HMCN2: variants seen among roughly 807,000 people sequenced by gnomAD.
HMCN2 encodes the protein hemicentin 2.
Under a neutral mutation model 377.5 loss-of-function variants are expected in HMCN2, and 325 were observed. The ratio of observed to expected loss-of-function variants is 0.86; its 90% CI spans 0.79 to 0.94. HMCN2 has a LOEUF of 0.94. HMCN2 is among the 40% of genes least tolerant of loss of function. HMCN2 has a pLI of 0.00. For missense variants in HMCN2, 4,543 were observed against 4,725.3 expected, an observed-to-expected ratio of 0.96 and a Z score of 1.13; for synonymous variants, 2,007 against 2,046.8, an observed-to-expected ratio of 0.98 and a Z score of 0.53.
chr9:130,331,593 AACAAG>A (rs1392583858), intron 22 of HMCN2, among the ~76,000 whole-genome samples: 8 of 151,938 alleles, frequency 5.3e-5, no homozygotes, highest in Non-Finnish European at 1.0e-4. Flanking sequence ...GGTGACCTCA[AACAAG>A]ACCCTTCCCC....
At chr9:130,300,630 A>C (rs1449610081) in intron 8 of HMCN2, among the ~76,000 whole-genome samples, 1 of 152,258 alleles carries the variant, frequency 6.6e-6, no homozygotes, top group East Asian at 1.9e-4. Flanking sequence ...CAGAGGCTGC[A>C]CTCAGAATGT....
intron 56 of HMCN2, among the ~76,000 whole-genome samples, 200 bp from the exon 57 acceptor site, chr9:130,383,303 GA>G (rs1564838527): frequency 6.6e-6 from 1 of 151,994 alleles, no homozygotes; most frequent in African/African-American, 2.4e-5. Flanking sequence ...TTGCTACAGA[GA>G]ACCACCCAAC....
chr9:130,430,540 C>T lies in HMCN2; in HGVS notation c.14583C>T (p.Ala4861=), dbSNP rs749192080. 2.6e-6 allele frequency: 4 copies of T among 1,550,600 alleles called. No individual in the cohort carries two copies. In the South Asian group the frequency reaches 3.6e-5, roughly 14 times the overall value. The change falls in exon 95 of 98, where the codon GCC becomes GCT. Residue 4861 remains alanine, a synonymous_variant. Transcript: ENST00000683500. ...AWVSLRPGPM[A]LSSVGRAWCP... is the part of the protein sequence containing the mutation. ...TCTCTCTCCGTCCGGGTCCCATGGCCCTGAGCAGTGTGGGCCGGGCCTGGT... is the reference window on the plus strand; with the variant it reads ...TCTCTCTCCGTCCGGGTCCCATGGCTCTGAGCAGTGTGGGCCGGGCCTGGT...
intron 25 of HMCN2, among the ~76,000 whole-genome samples, chr9:130,346,173 G>T (rs1187410973): frequency 6.6e-5 from 10 of 152,224 alleles, no homozygotes; most frequent in Admixed American, 3.3e-4. Context: ...GAGGTCAGGG[G>T]GCAGGTGAGA....
At chr9:130,357,798 C>T (rs1303158596) in intron 34 of HMCN2, 36 bp from the exon 35 acceptor site, 2 of 1,283,586 alleles carry the variant, frequency 1.6e-6, no homozygotes, top group African/African-American at 1.5e-5. Context: ...CCTCCTGATT[C>T]TGACTCGGGC....
In HMCN2 at chr9:130,431,411, C is replaced by G. The variant is rs189955406; in HGVS notation, c.14692C>G (p.Arg4898Gly). ...GAGGAACCTGTGTCAGCACGCCTGC[C>G]GCAACACTGAGGGCAGCTACCAGTG... ...RVRNLCQHAC[R>G]NTEGSYQCLC... The change falls in exon 96 of 98, where the codon CGC becomes GGC. Residue 4898 changes from arginine to glycine, a missense_variant. Physicochemically the swap from Arg to Gly is moderately radical, Grantham distance 125. Coordinates refer to ENST00000683500, the MANE Select transcript of HMCN2 (RefSeq NM_001291815.2). 1 of 1,550,244 alleles carries G rather than the reference C, an allele frequency of 6.5e-7. No individual in the cohort carries two copies. Among genetic ancestry groups the G allele is most frequent in the South Asian group, 1.2e-5 (1 of 84,056 alleles).
At chr9:130,398,339 C>G (rs1842709400) in intron 74 of HMCN2, among the ~76,000 whole-genome samples, 1 of 152,072 alleles carries the variant, frequency 6.6e-6, no homozygotes, top group Admixed American at 6.6e-5. Flanking sequence ...CAAGGAAAGG[C>G]ACTGAGGGGG....
intron 87 of HMCN2, among the ~76,000 whole-genome samples, chr9:130,424,261 C>T (rs1844196019): frequency 6.6e-6 from 1 of 151,062 alleles, no homozygotes; most frequent in South Asian, 2.1e-4. Flanking sequence ...TCACTGCAAG[C>T]TCTGCCTTCC....
At chr9:130,334,452 A>G (rs1456811642) in intron 22 of HMCN2, among the ~76,000 whole-genome samples, 1 of 151,712 alleles carries the variant, frequency 6.6e-6, no homozygotes, top group East Asian at 1.9e-4. Context: ...TTGGTGATGT[A>G]GCAAGCAGAA....
intron 43 of HMCN2, among the ~76,000 whole-genome samples, chr9:130,367,654 G>A (rs1840766914): frequency 6.6e-6 from 1 of 151,916 alleles, no homozygotes; most frequent in African/African-American, 2.4e-5. Flanking sequence ...AAGGATCCCA[G>A]GGGGAGGCTG....
chr9:130,427,456 G>A (rs1231287352), intron 91 of HMCN2, 41 bp from the exon 92 acceptor site: 2 of 1,550,426 alleles, frequency 1.3e-6, no homozygotes, highest in Admixed American at 2.0e-5. Flanking sequence ...GCTGGCAGGA[G>A]GGCCTGGGAG....
Position 130,375,945 on chromosome 9 carries a change from A to T in HMCN2, c.7874A>T (p.Asn2625Ile). Residue 2625 changes from asparagine to isoleucine, a missense_variant, in exon 51 of 98, where the codon AAT becomes ATT. This residue lies in a region of HMCN2 where 736 missense variants were observed against 773.2 expected (regional missense o/e 0.95). Transcript: ENST00000683500. ...GGCCAGTACACCTGCGTGGTCACCA[A>T]TGAGCTCGGGGAGGCCGTGAAAAAC... Reference protein sequence around the residue: ...DAGQYTCVVTNELGEAVKNYH... With the variant: ...DAGQYTCVVTIELGEAVKNYH... 1 of 985,894 alleles carries T rather than the reference A, an allele frequency of 1.0e-6. No homozygotes were observed. Among genetic ancestry groups the T allele is most frequent in the Non-Finnish European group, 1.2e-6 (1 of 829,976 alleles). 61.1% of individuals were successfully genotyped at this position (985,894 alleles called of 1,614,324 possible). A position where few individuals can be genotyped will look rare whatever the true frequency, so the allele number is the denominator to read the frequency against.
intron 86 of HMCN2, among the ~76,000 whole-genome samples, chr9:130,420,671 G>A (rs931473468): frequency 6.6e-6 from 1 of 151,976 alleles, no homozygotes; most frequent in East Asian, 1.9e-4. Context: ...GTGGCTTGTC[G>A]AAACATCACC....
In HMCN2 at chr9:130,385,826, C is replaced by T. The variant is rs914980; in HGVS notation, c.9309+64C>T. On this transcript the variant is annotated intron_variant, in intron 60 of 97. Transcript: ENST00000683500. ...CAGGAAAGTCGCCTCCCAGCCCTGG[C>T]GAGCTGCGGGGAGGAAGGTGGGCAG... 125 of 1,164,354 alleles carry T rather than the reference C, an allele frequency of 1.1e-4. No individual in the cohort carries two copies. In the African/African-American group the frequency reaches 1.2e-3, roughly 11 times the overall value. The allele number at this position is 1,164,354 out of a possible 1,614,324, so 72.1% of individuals were successfully genotyped here. A position where few individuals can be genotyped will look rare whatever the true frequency, so the allele number is the denominator to read the frequency against.
chr9:130,390,041 G>A (rs763607533), intron 62 of HMCN2, among the ~76,000 whole-genome samples: 5 of 152,204 alleles, frequency 3.3e-5, no homozygotes, highest in East Asian at 1.9e-4. Flanking sequence ...GTGAACCTCC[G>A]TGTTCGTGTT....
At chr9:130,302,814 G>C in intron 8 of HMCN2, 43 bp from the exon 9 acceptor site, 1 of 413,418 alleles carries the variant, frequency 2.4e-6, no homozygotes, top group Non-Finnish European at 5.1e-6. Context: ...GTGTGGCAAA[G>C]GGGCGGTGGG....
intron 15 of HMCN2, among the ~76,000 whole-genome samples, chr9:130,317,092 G>A (rs1190364575): frequency 1.3e-5 from 2 of 151,902 alleles, no homozygotes; most frequent in African/African-American, 4.8e-5. Flanking sequence ...GATGGAGGGG[G>A]TGAGTGCAGC....
Position 130,433,520 on chromosome 9 carries a change from C to T in HMCN2, c.15067C>T (p.Pro5023Ser), listed in dbSNP as rs990791245. Reference sequence around the variant, plus strand: ...CCGCACCGAGCTCAGCATGCTGGAGCCCGACCCCCGCAGCCCCTTCGCGCT... The same window carrying T: ...CCGCACCGAGCTCAGCATGCTGGAGTCCGACCCCCGCAGCCCCTTCGCGCT... ...ANRTELSMLE[P>S]DPRSPFALRP... Residue 5023 changes from proline to serine, a missense_variant, in exon 98 of 98, where the codon CCC becomes TCC. This residue lies in a region of HMCN2 where 1,155 missense variants were observed against 1,157.7 expected (regional missense o/e 1.00). Coordinates refer to ENST00000683500, the MANE Select transcript of HMCN2 (RefSeq NM_001291815.2). 6.7e-7 allele frequency: 1 copy of T among 1,485,622 alleles called. No homozygotes were observed. Among genetic ancestry groups the T allele is most frequent in the Non-Finnish European group, 8.9e-7 (1 of 1,124,814 alleles). The allele number at this position is 1,485,622 out of a possible 1,614,324, so 92.0% of individuals were successfully genotyped here.
intron 77 of HMCN2, 140 bp downstream of exon 77, chr9:130,401,087 A>C: frequency 1.5e-6 from 1 of 687,768 alleles, no homozygotes; most frequent in Admixed American, 3.9e-5. Flanking sequence ...ACCTGGGAGG[A>C]CCCTCTCGCC....
Sources: allele counts gnomAD v4.1 joint callset (sites outside exome capture counted in the v4.1 genomes callset), GRCh38; gene constraint gnomAD v4.1.1; regional missense constraint gnomAD v4.1.1; transcripts MANE v1.5; gene names NCBI Gene and HGNC (gene_info 2026-07-23, HGNC 2026-07-21).